Variants in NBPF12 observed in about 807,000 individuals in gnomAD.
NBPF12 encodes NBPF family member NBPF12.
In NBPF12, 115 loss-of-function variants were observed where a neutral mutation model predicts 146.4. The ratio of observed to expected loss-of-function variants is 0.79; its 90% confidence interval spans 0.68 to 0.92. The LOEUF is 0.92. NBPF12 is among the 40% of genes least tolerant of loss of function. NBPF12 has a pLI of 0.00. For missense variants in NBPF12, 1,205 were observed against 1,326.8 expected (o/e 0.91, Z 1.43); for synonymous variants, 385 against 508.9 (o/e 0.76, Z 3.28).
At chr1:146,972,762 A>G (rs1259641935) in exon 14 of NBPF12, 3 of 1,271,918 alleles carry the variant, frequency 2.4e-6, no homozygotes, top group Non-Finnish European at 3.4e-6. Flanking sequence ...CCCTGGCCCC[A>G]CCTCTTCTGC....
At chr1:146,950,671 A>G (rs1342029207) in intron 1 of NBPF12, among the ~76,000 whole-genome samples, 4 of 152,062 alleles carry the variant, frequency 2.6e-5, no homozygotes, top group South Asian at 2.1e-4. Context: ...AGATTCATCC[A>G]TGTTGTTTTG....
At chr1:146,964,301 C>T in intron 6 of NBPF12, 56 bp from the exon 10 acceptor site, 1 of 1,595,256 alleles carries the variant, frequency 6.3e-7, no homozygotes, top group South Asian at 1.1e-5. Context: ...GTTGGGCTGA[C>T]TGTGCTTGCA....
At chr1:146,940,449 C>T (rs1654747063) in intron 1 of NBPF12, among the ~76,000 whole-genome samples, 2 of 151,374 alleles carry the variant, frequency 1.3e-5, no homozygotes, top group East Asian at 1.9e-4. Flanking sequence ...ACTAAAAATA[C>T]AAAAATTAGC....
intron 6 of NBPF12, among the ~76,000 whole-genome samples, chr1:146,964,128 AG>A (rs1656037581): frequency 1.4e-5 from 2 of 145,270 alleles, no homozygotes; most frequent in African/African-American, 2.6e-5. Context: ...GGGAAGCAAA[AG>A]GTCTTTTCAG....
rs1656671915 is a variant in NBPF12, at chr1:146,972,084, T to G, written c.1592-667T>G. On this transcript the variant is annotated intron_variant, in intron 13 of 33. Coordinates refer to ENST00000617844, the Ensembl canonical transcript of NBPF12. ...GCCTGGGAGACAGAGCGAGACTCCA[T>G]CTAAAAAAAAAAAAAAAAAGTAAGT... Among the ~76,000 whole-genome samples, 2 of 112,488 alleles carry G rather than the reference T, an allele frequency of 1.8e-5. 1 individual carries two copies. Among genetic ancestry groups the G allele is most frequent in the African/African-American group, 7.4e-5 (2 of 26,964 alleles). The allele number at this position is 112,488 out of a possible 152,430, so 73.8% of individuals were successfully genotyped here.
exon 5 of NBPF12, chr1:146,962,263 G>C (rs1391514594): frequency 6.2e-7 from 1 of 1,603,338 alleles, no homozygotes; most frequent in Non-Finnish European, 8.5e-7. Flanking sequence ...GAGGAGCTCA[G>C]GTGAGGGGAC....
At chr1:146,973,135 T>C (rs1321976061) in intron 14 of NBPF12, among the ~76,000 whole-genome samples, 175 bp downstream of exon 17, 1 of 150,362 alleles carries the variant, frequency 6.7e-6, no homozygotes, top group Non-Finnish European at 1.5e-5. Flanking sequence ...CCAAAGTATT[T>C]AGCAACTTTC....
In NBPF12 at chr1:146,973,947, C is replaced by A. The variant is rs1656824709; in HGVS notation, c.1802-792C>A. 2.7e-5 allele frequency among the ~76,000 whole-genome samples: 4 copies of A among 150,748 alleles called. No individual in the cohort carries two copies. In the East Asian group the frequency reaches 5.8e-4, roughly 22 times the overall value. On this transcript the variant is annotated intron_variant, in intron 14 of 33. Transcript: ENST00000617844. ...AGCAGTGCAGTGTACAGAGCAGGGA[C>A]CATGGGCCTGTCTCCTGGGCTCCAT...
chr1:146,992,191 T>G (rs1160556981), intron 31 of NBPF12, 145 bp downstream of exon 34: 1 of 557,324 alleles, frequency 1.8e-6, no homozygotes, highest in African/African-American at 2.3e-5. Flanking sequence ...TGGTTTTCAT[T>G]GCAGTAGATA....
intron 14 of NBPF12, among the ~76,000 whole-genome samples, chr1:146,973,292 A>C (rs1422927740): frequency 4.6e-5 from 7 of 151,574 alleles, no homozygotes; most frequent in African/African-American, 1.7e-4. Context: ...CTGCAGACAA[A>C]TAACATCTAG....
chr1:146,961,094 C>T (rs1655820039), intron 4 of NBPF12, among the ~76,000 whole-genome samples: 1 of 151,884 alleles, frequency 6.6e-6, no homozygotes, highest in African/African-American at 2.4e-5. Flanking sequence ...TGCAGTGAGC[C>T]AAGATTGCAC....
rs1175195535 is a variant in NBPF12, at chr1:146,970,575, G to C, written c.1307-72G>C. The C allele has an allele frequency of 1.0e-5, 16 of 1,548,102 alleles. 1 individual carries two copies. The East Asian group carries it at 3.2e-4, about 31-fold the overall frequency. On this transcript the variant is annotated intron_variant, in intron 11 of 33. Coordinates refer to ENST00000617844, the Ensembl canonical transcript of NBPF12. ...ACCATACATAGATGTTCATGTCTCTGTGCACGTTGGGCTGACTGTGCTTGC... is the reference window on the plus strand; with the variant it reads ...ACCATACATAGATGTTCATGTCTCTCTGCACGTTGGGCTGACTGTGCTTGC...
chr1:146,978,064 C>A (rs1219643286), intron 18 of NBPF12, among the ~76,000 whole-genome samples: 4 of 151,518 alleles, frequency 2.6e-5, no homozygotes, highest in Non-Finnish European at 5.9e-5. Flanking sequence ...AAACATTGTT[C>A]CCCAGGCTTC....
chr1:146,973,517 T>A (rs1308232508), intron 14 of NBPF12, among the ~76,000 whole-genome samples: 1 of 147,358 alleles, frequency 6.8e-6, no homozygotes. Flanking sequence ...GGGCCGTGCA[T>A]GGTGGCTCAC....
chr1:146,994,134 CTCTCTCTG>C (rs1658366370), intron 33 of NBPF12, among the ~76,000 whole-genome samples, 190 bp from the exon 37 acceptor site: 1 of 111,820 alleles, frequency 8.9e-6, no homozygotes, highest in Non-Finnish European at 1.8e-5. Context: ...CTCTGTCTCT[CTCTCTCTG>C]TCTTTCTCTT....
Position 146,982,637 on chromosome 1 carries a change from G to C in NBPF12, c.2451-291G>C, listed in dbSNP as rs1236546060. Among the ~76,000 whole-genome samples, 90 of 151,450 alleles carry C rather than the reference G, an allele frequency of 5.9e-4. 1 individual carries two copies. Among genetic ancestry groups the C allele is most frequent in the African/African-American group, 1.6e-3 (65 of 41,184 alleles). ...GCAAAGTAGTTGAAGCCCTGTGTCAGTTCTCTGTGCTGCAAGTCATGATGG... is the reference window on the plus strand; with the variant it reads ...GCAAAGTAGTTGAAGCCCTGTGTCACTTCTCTGTGCTGCAAGTCATGATGG... On this transcript the variant is annotated intron_variant, in intron 19 of 33. Transcript: ENST00000617844.
At chr1:146,961,856 G>A (rs1655871630) in intron 4 of NBPF12, among the ~76,000 whole-genome samples, 1 of 152,062 alleles carries the variant, frequency 6.6e-6, no homozygotes, top group Non-Finnish European at 1.5e-5. Context: ...GCTTGGGAAA[G>A]TGGCCCCGCA....
At chr1:146,982,769 C>T (rs1200730610) in intron 19 of NBPF12, among the ~76,000 whole-genome samples, 159 bp from the exon 23 acceptor site, 4 of 151,548 alleles carry the variant, frequency 2.6e-5, no homozygotes, top group Non-Finnish European at 5.9e-5. Context: ...CACCCTCCAC[C>T]CTGTATTTAG....
intron 1 of NBPF12, among the ~76,000 whole-genome samples, chr1:146,942,608 T>C (rs1439959410): frequency 1.3e-5 from 2 of 148,806 alleles, no homozygotes; most frequent in Non-Finnish European, 3.0e-5. Context: ...ATAAAATAGC[T>C]TGTATAGAGC....
Sources: allele counts gnomAD v4.1 joint callset (sites outside exome capture counted in the v4.1 genomes callset), GRCh38; gene constraint gnomAD v4.1.1; transcripts MANE v1.5; gene names NCBI Gene and HGNC (gene_info 2026-07-23, HGNC 2026-07-21).